The following TBC1D22A variants were observed in gnomAD, a reference collection of about 807,000 sequenced individuals.
TBC1D22A encodes putative GTPase activator.
Under a neutral mutation model 60.2 loss-of-function variants are expected in TBC1D22A, and 38 were observed. That is an observed-to-expected ratio of 0.63 (90% CI 0.49 to 0.83). The LOEUF (loss-of-function observed/expected upper bound fraction) is 0.83, where lower values mean the gene tolerates loss of function less well. TBC1D22A is among the 40% of genes least tolerant of loss of function. TBC1D22A has a pLI of 0.00. For missense variants in TBC1D22A, 628 were observed against 701.0 expected (o/e 0.90, Z 1.18); for synonymous variants, 302 against 281.7 (o/e 1.07, Z -0.72).
chr22:46,845,250 T>A (rs942601871), intron 4 of TBC1D22A, among the ~76,000 whole-genome samples: 5 of 152,262 alleles, frequency 3.3e-5, no homozygotes, highest in African/African-American at 1.2e-4. Context: ...TCTTTCTCTG[T>A]GCTTGAGACG....
chr22:47,005,100 C>T (rs1351084700), intron 10 of TBC1D22A, among the ~76,000 whole-genome samples: 1 of 151,744 alleles, frequency 6.6e-6, no homozygotes, highest in Non-Finnish European at 1.5e-5. Flanking sequence ...TATACATACA[C>T]ACCTTTGTAT....
chr22:47,024,601 C>T (rs998611278), intron 10 of TBC1D22A, among the ~76,000 whole-genome samples: 21 of 152,078 alleles, frequency 1.4e-4, no homozygotes, highest in South Asian at 4.2e-4. Flanking sequence ...AACCCATAGT[C>T]CCAGCACTTT....
intron 6 of TBC1D22A, among the ~76,000 whole-genome samples, chr22:46,892,910 C>T (rs1198116834): frequency 6.6e-6 from 1 of 152,246 alleles, no homozygotes; most frequent in African/African-American, 2.4e-5. Flanking sequence ...TGTGGCAACG[C>T]GGTAGTTTTT....
At chr22:46,889,101 T>A (rs1212654370) in intron 5 of TBC1D22A, among the ~76,000 whole-genome samples, 1 of 152,060 alleles carries the variant, frequency 6.6e-6, no homozygotes, top group Non-Finnish European at 1.5e-5. Context: ...GTTTGAGACA[T>A]AAAAGCAAGC....
intron 12 of TBC1D22A, among the ~76,000 whole-genome samples, chr22:47,147,143 C>T (rs1382856481): frequency 2.0e-5 from 3 of 152,184 alleles, no homozygotes; most frequent in African/African-American, 4.8e-5. Context: ...CAGGCCTCGG[C>T]GGGTGGCGGG....
chr22:47,133,660 C>T (rs1203282095), intron 12 of TBC1D22A, among the ~76,000 whole-genome samples: 5 of 152,098 alleles, frequency 3.3e-5, no homozygotes, highest in South Asian at 2.1e-4. Context: ...GACTTACCGG[C>T]GGCTCCTGGA....
intron 9 of TBC1D22A, among the ~76,000 whole-genome samples, chr22:46,993,267 G>A (rs936042636): frequency 6.6e-6 from 1 of 152,230 alleles, no homozygotes; most frequent in Non-Finnish European, 1.5e-5. Flanking sequence ...ATGGCAACAG[G>A]TGTAAGGCAA....
At chr22:47,052,501 G>C (rs1459313598) in intron 11 of TBC1D22A, among the ~76,000 whole-genome samples, 2 of 152,186 alleles carry the variant, frequency 1.3e-5, no homozygotes, top group African/African-American at 4.8e-5. Context: ...ATTGTGTACA[G>C]AGAGAGGACC....
intron 11 of TBC1D22A, among the ~76,000 whole-genome samples, chr22:47,104,846 C>T (rs1045869263): frequency 6.6e-6 from 1 of 152,172 alleles, no homozygotes; most frequent in Non-Finnish European, 1.5e-5. Context: ...TTTAGACAAA[C>T]TCAACCAGTT....
At chr22:47,048,234 T>A (rs1263920234) in intron 11 of TBC1D22A, among the ~76,000 whole-genome samples, 1 of 151,814 alleles carries the variant, frequency 6.6e-6, no homozygotes, top group Admixed American at 6.6e-5. Flanking sequence ...GGTTTTGGGG[T>A]TTCACAGTGC....
chr22:46,820,979 A>G (rs2085801634), intron 4 of TBC1D22A, among the ~76,000 whole-genome samples: 1 of 150,318 alleles, frequency 6.7e-6, no homozygotes, highest in East Asian at 1.9e-4. Flanking sequence ...TCATTATGTA[A>G]TGCCCTTCTT....
At chr22:46,816,061 CA>C (rs1319444754) in intron 4 of TBC1D22A, among the ~76,000 whole-genome samples, 7 of 152,214 alleles carry the variant, frequency 4.6e-5, no homozygotes, top group Non-Finnish European at 8.8e-5. Context: ...TTAACAATCA[CA>C]CTCACACCCT....
chr22:47,126,107 G>A lies in TBC1D22A; in HGVS notation c.1425+14504G>A, dbSNP rs570221021. ...AGTGAGTCTTCCGTCTCAGCCTCCC[G>A]AGTAGCTGGGACTACAGGCACACGC... On this transcript the variant is annotated intron_variant, in intron 12 of 12. Coordinates refer to ENST00000337137, the MANE Select transcript of TBC1D22A (RefSeq NM_014346.5). Among the ~76,000 whole-genome samples the A allele has an allele frequency of 3.0e-4, 45 of 152,102 alleles. No homozygotes were observed. The South Asian group carries it at 8.3e-3, about 28-fold the overall frequency.
chr22:47,039,935 CTTTTTTTTT>C (rs570751261), intron 11 of TBC1D22A, among the ~76,000 whole-genome samples: 1,416 of 77,288 alleles, frequency 0.018, 22 homozygotes, highest in Non-Finnish European at 0.023. Flanking sequence ...GTGCCACAGC[CTTTTTTTTT>C]TTTTTTTTTT....
chr22:46,974,200 G>T, intron 8 of TBC1D22A, 90 bp from the exon 9 acceptor site: 1 of 1,057,616 alleles, frequency 9.5e-7, no homozygotes, highest in Non-Finnish European at 1.4e-6. Flanking sequence ...CTGGATGCAG[G>T]CTCAGCTCTG....
chr22:46,816,969 C>CA (rs1000648782), intron 4 of TBC1D22A, among the ~76,000 whole-genome samples: 28 of 152,088 alleles, frequency 1.8e-4, no homozygotes, highest in African/African-American at 6.3e-4. Flanking sequence ...TTCACATAGG[C>CA]AAAATGCTGA....
intron 8 of TBC1D22A, chr22:46,913,904 A>C (rs1033191803): frequency 5.6e-5 from 23 of 411,012 alleles, no homozygotes; most frequent in Admixed American, 3.2e-4. Flanking sequence ...CAGAAGAAAG[A>C]AAGCCTGGAG....
intron 4 of TBC1D22A, among the ~76,000 whole-genome samples, chr22:46,827,470 C>T (rs1180398160): frequency 6.6e-6 from 1 of 152,202 alleles, no homozygotes; most frequent in African/African-American, 2.4e-5. Flanking sequence ...CACCCAGAGC[C>T]CCTTCGGAAT....
intron 4 of TBC1D22A, among the ~76,000 whole-genome samples, chr22:46,864,353 G>T (rs986540583): frequency 6.6e-5 from 10 of 152,174 alleles, no homozygotes; most frequent in African/African-American, 2.4e-4. Context: ...CTGCGGTTTG[G>T]GCTCCAGGGT....
Sources: gnomAD v4.1 joint callset for allele counts (sites outside exome capture counted in the v4.1 genomes callset) on GRCh38, gnomAD v4.1.1 for gene constraint, MANE v1.5 for transcripts, NCBI Gene and HGNC (gene_info 2026-07-23, HGNC 2026-07-21) for gene names.